DPP6: variants seen among roughly 807,000 people sequenced by gnomAD.
The protein encoded by DPP6 is dipeptidyl peptidase like 6, also known as A-type potassium channel modulatory protein DPP6.
In DPP6, 69 loss-of-function variants were observed where a neutral mutation model predicts 122.6. The ratio of observed to expected loss-of-function variants is 0.56; its 90% CI spans 0.46 to 0.69. DPP6 has a LOEUF of 0.69. Among genes scored for constraint, DPP6 ranks in the 30% least tolerant of loss-of-function variants. The pLI is 0.00. For synonymous variants in DPP6, 418 were observed against 433.1 expected (o/e 0.97, Z 0.43); for missense variants, 928 against 1,116.9 (o/e 0.83, Z 2.41).
At chr7:153,982,865 AC>A (rs1796660896) in intron 1 of DPP6, among the ~76,000 whole-genome samples, 1 of 152,208 alleles carries the variant, frequency 6.6e-6, no homozygotes, top group Non-Finnish European at 1.5e-5. Flanking sequence ...CCTGGGTATC[AC>A]CAGTGAAGGC....
intron 1 of DPP6, among the ~76,000 whole-genome samples, chr7:154,439,389 G>A (rs962810444): frequency 2.0e-5 from 3 of 152,166 alleles, no homozygotes; most frequent in African/African-American, 4.8e-5. Context: ...TTTCTCTTGG[G>A]CCTGATGTGT....
intron 1 of DPP6, among the ~76,000 whole-genome samples, chr7:154,342,658 T>C (rs1436030912): frequency 6.6e-6 from 1 of 152,202 alleles, no homozygotes; most frequent in Non-Finnish European, 1.5e-5. Context: ...CAGGAACTGA[T>C]GTGAACATCT....
intron 1 of DPP6, among the ~76,000 whole-genome samples, chr7:154,306,723 G>T (rs1311317400): frequency 6.6e-6 from 1 of 152,140 alleles, no homozygotes; most frequent in Non-Finnish European, 1.5e-5. Flanking sequence ...ATCATCTAAA[G>T]AACTTAAATG....
At chr7:154,289,188 G>A (rs28473675) in intron 1 of DPP6, among the ~76,000 whole-genome samples, 34,786 of 152,106 alleles carry the variant, frequency 0.23, 4,110 homozygotes, top group South Asian at 0.28. Context: ...AAATAGAATC[G>A]CCTAGGTTGA....
In DPP6 at chr7:154,760,314, C is replaced by T. The variant is rs191056638; in HGVS notation, c.884-9103C>T. Among the ~76,000 whole-genome samples the T allele has an allele frequency of 3.3e-5, 5 of 152,114 alleles. No individual in the cohort carries two copies. In the East Asian group the frequency reaches 5.8e-4, roughly 18 times the overall value. ...TTCAGCACACACAATTATTTCTTCA[C>T]GATTACTCATGGGCTGTGTGTGCAA... On this transcript the variant is annotated intron_variant, in intron 8 of 25. Transcript: ENST00000377770. The surrounding 1 kb of genome is among the most constrained non-coding windows in gnomAD (Gnocchi z 4.5).
chr7:154,393,071 T>G (rs1292312), intron 1 of DPP6, among the ~76,000 whole-genome samples: 105,767 of 152,180 alleles, frequency 0.7, 40,805 homozygotes, highest in South Asian at 0.86. Flanking sequence ...AAACTTTTTC[T>G]TCTTCCAAAT....
chr7:154,211,365 C>A (rs555310737), intron 1 of DPP6, among the ~76,000 whole-genome samples: 1 of 152,106 alleles, frequency 6.6e-6, no homozygotes, highest in Non-Finnish European at 1.5e-5. Flanking sequence ...CAGGAGGATT[C>A]CACACCTGAG....
Position 154,481,444 on chromosome 7 carries a change from A to G in DPP6, c.457+6407A>G, listed in dbSNP as rs977297219. Among the ~76,000 whole-genome samples, 29 of 151,082 alleles carry G rather than the reference A, an allele frequency of 1.9e-4. No homozygotes were observed. The highest frequency in any genetic ancestry group is 1.8e-3 in the Admixed American group (27 of 15,152). On this transcript the variant is annotated intron_variant, in intron 3 of 25. Coordinates refer to ENST00000377770, the MANE Select transcript of DPP6 (RefSeq NM_130797.4). The surrounding 1 kb of genome is among the most constrained non-coding windows in gnomAD (Gnocchi z 4.2). ...CTGCAGTATCTTACATTCACCTCACATCCTCATGCCCAGCACTACATCATC... is the reference window on the plus strand; with the variant it reads ...CTGCAGTATCTTACATTCACCTCACGTCCTCATGCCCAGCACTACATCATC...
In DPP6 at chr7:153,918,524, A is replaced by AACAC. The variant is rs71182852; in HGVS notation, c.51+30828_51+30831dup. Among the ~76,000 whole-genome samples, 303 of 77,332 alleles carry AACAC rather than the reference A, an allele frequency of 3.9e-3. 3 individuals are homozygous for AACAC. The highest frequency in any genetic ancestry group is 0.014 in the African/African-American group (250 of 17,774). 50.7% of individuals were successfully genotyped at this position (77,332 alleles called of 152,430 possible). A position where few individuals can be genotyped will look rare whatever the true frequency, so the allele number is the denominator to read the frequency against. On this transcript the variant is annotated intron_variant, in intron 1 of 25. Coordinates refer to the DPP6 transcript ENST00000404039. ...CAAGGCAAAAAGAAGAGGTAATTAA[A>AACAC]ACACACACACACACACACACACACA... is the stretch of plus-strand genomic sequence containing the variant.
chr7:154,622,973 C>T (rs2130860571), intron 5 of DPP6, among the ~76,000 whole-genome samples: 1 of 152,316 alleles, frequency 6.6e-6, no homozygotes, highest in Admixed American at 6.5e-5. Flanking sequence ...GTTTCTGATA[C>T]AGATAATCAA....
intron 1 of DPP6, among the ~76,000 whole-genome samples, chr7:154,137,655 G>GGGC (rs1795631947): frequency 2.1e-5 from 1 of 46,592 alleles, no homozygotes; most frequent in African/African-American, 7.3e-5. Flanking sequence ...GGGGGTGGGG[G>GGGC]GGTGGGGGGG....
intron 1 of DPP6, among the ~76,000 whole-genome samples, chr7:154,196,926 C>T (rs1421918025): frequency 6.6e-6 from 1 of 152,076 alleles, no homozygotes; most frequent in Non-Finnish European, 1.5e-5. Context: ...TTCCTACCTC[C>T]ATGACTTTGC....
intron 1 of DPP6, among the ~76,000 whole-genome samples, chr7:153,916,838 G>A (rs1585027390): frequency 6.6e-6 from 1 of 152,130 alleles, no homozygotes; most frequent in East Asian, 1.9e-4. Flanking sequence ...TACTCTGTGT[G>A]TGTATTTTAA....
Position 154,062,812 on chromosome 7 carries a change from G to C in DPP6, c.243+9749G>C, listed in dbSNP as rs1427767051. Among the ~76,000 whole-genome samples, 9 of 124,258 alleles carry C rather than the reference G, an allele frequency of 7.2e-5. 1 individual carries two copies. The East Asian group carries it at 1.7e-3, about 23-fold the overall frequency. The allele number at this position is 124,258 out of a possible 152,430, so 81.5% of individuals were successfully genotyped here. A position where few individuals can be genotyped will look rare whatever the true frequency, so the allele number is the denominator to read the frequency against. On this transcript the variant is annotated intron_variant, in intron 1 of 25. Transcript: ENST00000377770. ...GGCTCTTAGGACCCCCATCGCAGAG[G>C]GGGGAGGCACCCCCCGCGAGGCGGG...
intron 1 of DPP6, chr7:154,059,177 C>T (rs1278632857): frequency 1.3e-5 from 2 of 148,588 alleles, no homozygotes; most frequent in African/African-American, 2.6e-5. Context: ...GCTGTTAATA[C>T]CCCCATCGCA....
At chr7:154,594,752 A>T (rs1586702922) in intron 5 of DPP6, among the ~76,000 whole-genome samples, 2 of 152,266 alleles carry the variant, frequency 1.3e-5, no homozygotes, top group Admixed American at 1.3e-4. Flanking sequence ...GATCAAGGAC[A>T]AGTTTCGGAC....
intron 1 of DPP6, among the ~76,000 whole-genome samples, chr7:153,913,266 G>C (rs990461167): frequency 3.3e-5 from 5 of 152,040 alleles, no homozygotes; most frequent in African/African-American, 1.2e-4. Context: ...GTAGAGACAG[G>C]GTATCACCAT....
intron 8 of DPP6, among the ~76,000 whole-genome samples, chr7:154,757,601 C>T (rs1237267221): frequency 6.6e-6 from 1 of 152,204 alleles, no homozygotes; most frequent in Non-Finnish European, 1.5e-5. Flanking sequence ...ATTTCTGCTT[C>T]CTGATCCACG....
the DPP6 span, among the ~76,000 whole-genome samples, chr7:153,767,398 A>G: frequency 6.6e-6 from 1 of 151,926 alleles, no homozygotes; most frequent in Non-Finnish European, 1.5e-5. Flanking sequence ...TGTTGGATTC[A>G]CTCTTGTCGC....
Sources: allele counts gnomAD v4.1 joint callset (sites outside exome capture counted in the v4.1 genomes callset), GRCh38; gene constraint gnomAD v4.1.1; non-coding constraint Gnocchi (gnomAD v3.1); transcripts MANE v1.5; gene names NCBI Gene and HGNC (gene_info 2026-07-23, HGNC 2026-07-21).